Variants in DNAH9 observed in about 807,000 individuals in gnomAD.
DNAH9 encodes dynein axonemal heavy chain 9, also known as DNAH9 variant protein.
A neutral mutation model predicts 471.6 loss-of-function variants in DNAH9; 345 were observed. That is an observed-to-expected ratio of 0.73 (90% CI 0.67 to 0.80). The LOEUF (loss-of-function observed/expected upper bound fraction) is 0.80. Ranked by LOEUF, DNAH9 falls within the 30% of genes least tolerant of loss-of-function variation. The pLI is 0.00. For synonymous variants in DNAH9, 2,093 were observed against 2,123.6 expected (o/e 0.99, Z 0.40); for missense variants, 5,407 against 5,609.2 (o/e 0.96, Z 1.15).
intron 35 of DNAH9, among the ~76,000 whole-genome samples, chr17:11,759,847 C>G (rs538463756): frequency 3.9e-5 from 6 of 151,940 alleles, no homozygotes; most frequent in Admixed American, 3.9e-4. Context: ...CCACCATGCC[C>G]AGCTAATATT....
At chr17:11,872,038 C>T (rs1597768607) in intron 52 of DNAH9, among the ~76,000 whole-genome samples, 1 of 152,138 alleles carries the variant, frequency 6.6e-6, no homozygotes, top group Admixed American at 6.5e-5. Context: ...TAGTCCTCTT[C>T]CCCGCGGGCT....
At chr17:11,877,110 C>T (rs111612850) in intron 53 of DNAH9, among the ~76,000 whole-genome samples, 19 of 151,756 alleles carry the variant, frequency 1.3e-4, no homozygotes, top group African/African-American at 3.6e-4. Flanking sequence ...CACATTAAGA[C>T]GGCACACAAT....
intron 38 of DNAH9, among the ~76,000 whole-genome samples, 164 bp downstream of exon 38, chr17:11,769,493 T>C (rs1968113222): frequency 6.6e-6 from 1 of 152,144 alleles, no homozygotes; most frequent in South Asian, 2.1e-4. Context: ...TACACACCTC[T>C]TTCTGGCTCC....
At chr17:11,807,600 A>C in intron 43 of DNAH9, 132 bp from the exon 44 acceptor site, 9 of 997,920 alleles carry the variant, frequency 9.0e-6, no homozygotes, top group Non-Finnish European at 1.3e-5. Context: ...GGACAATCTA[A>C]TAAACGTTTC....
At chr17:11,694,646 C>CCT (rs1159221841) in intron 22 of DNAH9, among the ~76,000 whole-genome samples, 199 bp downstream of exon 22, 89 of 1,626 alleles carry the variant, frequency 0.055, 17 homozygotes, top group African/African-American at 0.062. Flanking sequence ...TTCTTGCTTT[C>CCT]TCGCTTTCTC....
chr17:11,829,034 C>T lies in DNAH9; in HGVS notation c.9247-5604C>T, dbSNP rs558313881. On this transcript the variant is annotated intron_variant, in intron 48 of 68. Transcript: ENST00000262442. ...CACTGAACAATCCCAACATCACCTG[C>T]GAGCTCAGAGTGGGGGTGGAGGGTA... Among the ~76,000 whole-genome samples the T allele has an allele frequency of 9.2e-5, 14 of 152,264 alleles. No homozygotes were observed. The South Asian group carries it at 1.0e-3, about 11-fold the overall frequency.
At chr17:11,918,098 C>T (rs1344140073) in intron 61 of DNAH9, among the ~76,000 whole-genome samples, 1 of 152,200 alleles carries the variant, frequency 6.6e-6, no homozygotes, top group Non-Finnish European at 1.5e-5. Context: ...TTCAAAGAAA[C>T]AGTTTTCCAT....
At chr17:11,785,300 T>C (rs913341958) in intron 41 of DNAH9, among the ~76,000 whole-genome samples, 3 of 151,946 alleles carry the variant, frequency 2.0e-5, no homozygotes, top group Non-Finnish European at 4.4e-5. Flanking sequence ...AAGATAATAC[T>C]GGGTTATTAT....
At position 11,854,774 on chromosome 17, in the gene DNAH9, A is replaced by G. The variant is rs187207451; in HGVS notation, c.9933+346A>G. On this transcript the variant is annotated intron_variant, in intron 50 of 68. Transcript: ENST00000262442. ...CTTTTTACCTGTTCCCTTCAGTTCTAGCCAACTATCTGCCTGTCTCACTTT... is the reference window on the plus strand; with the variant it reads ...CTTTTTACCTGTTCCCTTCAGTTCTGGCCAACTATCTGCCTGTCTCACTTT... Among the ~76,000 whole-genome samples the G allele has an allele frequency of 2.2e-4, 33 of 152,270 alleles. No individual in the cohort carries two copies. In the South Asian group the frequency reaches 3.1e-3, roughly 14 times the overall value.
chr17:11,609,406 A>G (rs2072580550), intron 2 of DNAH9, among the ~76,000 whole-genome samples: 2 of 152,212 alleles, frequency 1.3e-5, no homozygotes, highest in South Asian at 4.1e-4. Flanking sequence ...TAACTTTGTA[A>G]CATTCAGTGT....
At position 11,932,199 on chromosome 17, in the gene DNAH9, C is replaced by G. The variant is rs759037523; in HGVS notation, c.12291C>G (p.Asn4097Lys). ...TCCTCTACAACTTCCTGGAGGCCAA[C>G]GCAAAGGTAAAGGCCATGGACATTC... is the stretch of plus-strand genomic sequence containing the variant. ...VNVLYNFLEA[N>K]AKVPYDDLRY... is the part of the protein sequence containing the mutation. Residue 4097 changes from asparagine (N) to lysine (K), a missense_variant, in exon 64 of 69, where the codon AAC (asparagine) becomes AAG (lysine). Asn to Lys is a moderately conservative substitution (Grantham distance 94, BLOSUM62 0). Around this residue, in one of 3 missense-constraint regions of DNAH9, gnomAD observed 4,636 missense variants for 4,900.3 expected, o/e 0.95. Transcript: ENST00000262442. The surrounding 1 kb of genome is among the most constrained non-coding windows in gnomAD (Gnocchi z 4.3). The G allele has an allele frequency of 1.2e-6, 2 of 1,613,764 alleles. No individual in the cohort carries two copies. Among genetic ancestry groups the G allele is most frequent in the Non-Finnish European group, 1.7e-6 (2 of 1,179,888 alleles).
At chr17:11,791,336 A>G (rs1488172138) in intron 41 of DNAH9, among the ~76,000 whole-genome samples, 1 of 152,238 alleles carries the variant, frequency 6.6e-6, no homozygotes, top group African/African-American at 2.4e-5. Flanking sequence ...AAAATAAACC[A>G]CAACCTAAAT....
At position 11,952,309 on chromosome 17, in the gene DNAH9, CTTTTTTTTTTTTT is replaced by C. The variant is rs753276964; in HGVS notation, c.12844-9542_12844-9530del. On this transcript the variant is annotated intron_variant, in intron 67 of 68. Transcript: ENST00000262442. ...CATGCACCATTACACCCAGCTAATT[CTTTTTTTTTTTTT>C]TTTTTTTTTTTTTTTGGTAGATACC... Among the ~76,000 whole-genome samples the C allele has an allele frequency of 2.4e-4, 17 of 71,086 alleles. No individual in the cohort carries two copies. The East Asian group carries it at 4.0e-3, about 17-fold the overall frequency. 46.6% of individuals were successfully genotyped at this position (71,086 alleles called of 152,430 possible).
In DNAH9 at chr17:11,962,179, G is replaced by A; in HGVS notation, c.13156G>A (p.Glu4386Lys). Residue 4386 changes from glutamate (E) to lysine (K), a missense_variant, in exon 68 of 69, where the codon GAA becomes AAA. Glu to Lys is a moderately conservative substitution (Grantham distance 56). Coordinates refer to ENST00000262442, the MANE Select transcript of DNAH9 (RefSeq NM_001372.4). This position sits in a 1 kb window ranked among gnomAD's most constrained non-coding sequence, Gnocchi z 4.1. ...LQCDMTKKNR[E>K]EFRSPPREGA... ...ATGTGACATGACGAAGAAGAACAGA[G>A]AAGAGTTTAGGAGTCCTCCTCGGGA... The A allele has an allele frequency of 1.9e-6, 3 of 1,614,192 alleles. No individual in the cohort carries two copies. Among genetic ancestry groups the A allele is most frequent in the Admixed American group, 3.3e-5 (2 of 60,028 alleles).
At chr17:11,821,324 A>G (rs1183070000) in intron 45 of DNAH9, among the ~76,000 whole-genome samples, 7 of 150,298 alleles carry the variant, frequency 4.7e-5, no homozygotes, top group African/African-American at 2.4e-5. Context: ...TCTAACCATA[A>G]TTTTTTCAGA....
rs1315577105 is a variant in DNAH9 at position 11,756,669 on chromosome 17, T to A, written c.6840T>A (p.Ser2280=). The A allele has an allele frequency of 1.1e-5, 18 of 1,600,980 alleles. 1 individual carries two copies. The East Asian group carries it at 4.0e-4, about 36-fold the overall frequency. Residue 2280 remains serine, a synonymous_variant, in exon 34 of 69, where the codon TCT becomes TCA. Transcript: ENST00000262442. ...GCACAGCCACTCCAGCAACTGTCTC[T>A]AGAGCAGGTACGGCCCAAGAAGGGA... ...HLRTATPATV[S]RAGILYINPA...
At chr17:11,714,495 T>C (rs1276019756) in intron 26 of DNAH9, among the ~76,000 whole-genome samples, 1 of 152,204 alleles carries the variant, frequency 6.6e-6, no homozygotes, top group Non-Finnish European at 1.5e-5. Context: ...TCCTCAGTTA[T>C]GGTTATTGAA....
At chr17:11,689,171 G>A (rs927508650) in intron 19 of DNAH9, among the ~76,000 whole-genome samples, 4 of 151,980 alleles carry the variant, frequency 2.6e-5, no homozygotes, top group African/African-American at 7.2e-5. Context: ...TTGGCTTTCC[G>A]GCTTCTGCTG....
chr17:11,777,885 A>G (rs1968497560), intron 38 of DNAH9, among the ~76,000 whole-genome samples: 1 of 152,188 alleles, frequency 6.6e-6, no homozygotes, highest in Non-Finnish European at 1.5e-5. Context: ...AAGACATTCT[A>G]CTTGGAATTG....
Sources: gnomAD v4.1 joint callset for allele counts (sites outside exome capture counted in the v4.1 genomes callset) on GRCh38, gnomAD v4.1.1 for gene constraint, gnomAD v4.1.1 regional missense constraint, Gnocchi (gnomAD v3.1) non-coding constraint, MANE v1.5 for transcripts, NCBI Gene and HGNC (gene_info 2026-07-23, HGNC 2026-07-21) for gene names.